The following TERB1 variants were observed in gnomAD, a reference collection of about 807,000 sequenced individuals.
TERB1 encodes the protein telomere repeat binding bouquet formation protein 1.
TERB1 carries 63 observed loss-of-function variants against 92.3 expected under a neutral mutation model. The ratio of observed to expected loss-of-function variants is 0.68; its 90% CI spans 0.56 to 0.84. The LOEUF is 0.84. TERB1 is among the 40% of genes least tolerant of loss of function. The probability of loss-of-function intolerance (pLI) is 0.00; values close to 1 mark genes in which losing one functional copy is unlikely to be tolerated. For synonymous variants in TERB1, 252 were observed against 283.9 expected (o/e 0.89, Z 1.13); for missense variants, 709 against 843.7 (o/e 0.84, Z 1.98).
At chr16:66,763,584 A>T (rs1343249248) in intron 16 of TERB1, among the ~76,000 whole-genome samples, 1 of 152,130 alleles carries the variant, frequency 6.6e-6, no homozygotes, top group Non-Finnish European at 1.5e-5. Context: ...TAAAAAAGAA[A>T]TTGTAATTGG....
rs1042838060 is a variant in TERB1, at chr16:66,801,022, C to T, written c.-78G>A. 6.6e-6 allele frequency: 1 copy of T among 152,350 alleles called. No homozygotes were observed. The highest frequency in any genetic ancestry group is 2.4e-5 in the African/African-American group (1 of 41,456). The allele number at this position is 152,350 out of a possible 1,614,324, so 9.4% of individuals were successfully genotyped here. A position where few individuals can be genotyped will look rare whatever the true frequency, so the allele number is the denominator to read the frequency against. On this transcript the variant is annotated 5_prime_UTR_variant, in exon 2 of 19. Coordinates refer to ENST00000433154, the MANE Select transcript of TERB1 (RefSeq NM_001136505.2). ...CTTGTGCAGAGCTTAGGTGGCCCCT[C>T]CAGGCTCCTCTCTGACCAGGGCTCG...
chr16:66,792,528 T>C (rs2018853147), intron 3 of TERB1, among the ~76,000 whole-genome samples: 1 of 152,230 alleles, frequency 6.6e-6, no homozygotes, highest in Non-Finnish European at 1.5e-5. Flanking sequence ...GGATGGAATC[T>C]ACAGAAAGCT....
intron 13 of TERB1, among the ~76,000 whole-genome samples, chr16:66,771,043 G>A (rs1434580731): frequency 1.3e-5 from 2 of 151,940 alleles, no homozygotes; most frequent in Non-Finnish European, 2.9e-5. Context: ...TAGACACAGG[G>A]TTTTGCCATG....
At chr16:66,773,035 G>A (rs1274175011) in intron 12 of TERB1, among the ~76,000 whole-genome samples, 2 of 151,996 alleles carry the variant, frequency 1.3e-5, no homozygotes, top group African/African-American at 4.8e-5. Context: ...TTTTAAAGTA[G>A]TTAGTTTTTT....
In TERB1 at chr16:66,754,865, ATCC is replaced by A; in HGVS notation, c.*108_*110del. 4.1e-6 allele frequency: 4 copies of A among 985,258 alleles called. No individual in the cohort carries two copies. Among genetic ancestry groups the A allele is most frequent in the Non-Finnish European group, 6.0e-6 (4 of 666,968 alleles). 61.0% of individuals were successfully genotyped at this position (985,258 alleles called of 1,614,324 possible). A position where few individuals can be genotyped will look rare whatever the true frequency, so the allele number is the denominator to read the frequency against. On this transcript the variant is annotated 3_prime_UTR_variant, in exon 19 of 19. Transcript: ENST00000433154. ...ACAAAAACTGTTTAATGAAAACTGT[ATCC>A]TCATTTCCACATTCCTTCTCATGAG...
chr16:66,764,607 C>T (rs998356489), intron 16 of TERB1, among the ~76,000 whole-genome samples: 1 of 152,068 alleles, frequency 6.6e-6, no homozygotes, highest in East Asian at 1.9e-4. Context: ...AGGCTTGAGA[C>T]AAAGACTGCT....
At chr16:66,771,531 G>A (rs1180845596) in intron 13 of TERB1, among the ~76,000 whole-genome samples, 8 of 152,124 alleles carry the variant, frequency 5.3e-5, no homozygotes, top group Admixed American at 5.2e-4. Flanking sequence ...TTGGGTATCT[G>A]TGGGAGGTCC....
chr16:66,763,691 T>A (rs2018290427), intron 16 of TERB1, among the ~76,000 whole-genome samples: 1 of 152,140 alleles, frequency 6.6e-6, no homozygotes, highest in African/African-American at 2.4e-5. Flanking sequence ...TTTACCCACG[T>A]AACAAACCTG....
chr16:66,790,345 GAA>G lies in TERB1; in HGVS notation c.271+248_271+249del, dbSNP rs1300716098. On this transcript the variant is annotated intron_variant, in intron 5 of 18. Transcript: ENST00000433154. Reference sequence around the variant, plus strand: ...GGAGGGGAAGGGAAGAGAAAAGAAAGAAAGAGAGAGAGAGAGAAAGAAGAAAG... The same window carrying G: ...GGAGGGGAAGGGAAGAGAAAAGAAAGAGAGAGAGAGAGAGAAAGAAGAAAG... 2.3e-5 allele frequency among the ~76,000 whole-genome samples: 3 copies of G among 133,052 alleles called. No homozygotes were observed. In the East Asian group the frequency reaches 6.1e-4, roughly 27 times the overall value. The allele number at this position is 133,052 out of a possible 152,430, so 87.3% of individuals were successfully genotyped here.
intron 3 of TERB1, among the ~76,000 whole-genome samples, chr16:66,794,887 G>A (rs2018901091): frequency 7.2e-6 from 1 of 138,796 alleles, no homozygotes; most frequent in South Asian, 2.3e-4. Flanking sequence ...TCCAGCCTGG[G>A]CGACAGAGTG....
intron 2 of TERB1, among the ~76,000 whole-genome samples, chr16:66,799,718 T>C (rs1567482000): frequency 1.3e-5 from 2 of 152,170 alleles, no homozygotes; most frequent in East Asian, 3.9e-4. Context: ...CAAACACCCA[T>C]AGCAAAGGAT....
In TERB1 at chr16:66,768,171, A is replaced by G. The variant is rs755767425; in HGVS notation, c.1620-3T>C. 1.4e-4 allele frequency: 219 copies of G among 1,542,496 alleles called. No homozygotes were observed. The highest frequency in any genetic ancestry group is 1.9e-4 in the Non-Finnish European group (215 of 1,138,878). ...CTGGGTGTTTAAAAACATGGTCACT[A>G]AAAGAAAATAGACACCAGATTACTA... On this transcript the variant is annotated splice_region_variant and splice_polypyrimidine_tract_variant and intron_variant, in intron 14 of 18. Coordinates refer to ENST00000433154, the MANE Select transcript of TERB1 (RefSeq NM_001136505.2).
intron 10 of TERB1, among the ~76,000 whole-genome samples, chr16:66,778,444 G>T (rs2018584693): frequency 6.6e-6 from 1 of 151,588 alleles, no homozygotes; most frequent in South Asian, 2.1e-4. Context: ...ATGGAGTTTT[G>T]TACTTGTCAC....
chr16:66,788,325 C>A, intron 5 of TERB1, 28 bp from the exon 6 acceptor site: 1 of 1,456,806 alleles, frequency 6.9e-7, no homozygotes, highest in South Asian at 1.5e-5. Context: ...ATTTTAATTT[C>A]AATGCATTGT....
rs2018522515 is a variant in TERB1 at position 66,775,067 on chromosome 16, TCTC to T, written c.1111+48_1111+50del. ...TTGGCTCATGAAAGCAGAAATAAAT[TCTC>T]CTTTATAAACTTTGGTTGGTATGTT... On this transcript the variant is annotated intron_variant, in intron 12 of 18. Transcript: ENST00000433154. The T allele has an allele frequency of 2.0e-6, 3 of 1,529,030 alleles. No individual in the cohort carries two copies. The South Asian group carries it at 3.6e-5, about 18-fold the overall frequency. The allele number at this position is 1,529,030 out of a possible 1,614,324, so 94.7% of individuals were successfully genotyped here. A position where few individuals can be genotyped will look rare whatever the true frequency, so the allele number is the denominator to read the frequency against.
intron 12 of TERB1, among the ~76,000 whole-genome samples, chr16:66,773,244 G>T (rs2018485128): frequency 6.6e-6 from 1 of 151,664 alleles, no homozygotes; most frequent in Non-Finnish European, 1.5e-5. Context: ...TAAGGCACAA[G>T]AATCCCTCAA....
At chr16:66,773,975 G>A (rs1319578591) in intron 12 of TERB1, among the ~76,000 whole-genome samples, 1 of 151,972 alleles carries the variant, frequency 6.6e-6, no homozygotes, top group Non-Finnish European at 1.5e-5. Context: ...TGCCTCCCTG[G>A]TTCAAGTAAT....
chr16:66,801,465 TACAG>T lies in TERB1; in HGVS notation c.-111_-110+2del, dbSNP rs1254954289. 1 of 152,148 alleles carries T rather than the reference TACAG, an allele frequency of 6.6e-6. No homozygotes were observed. The highest frequency in any genetic ancestry group is 1.9e-4 in the East Asian group (1 of 5,164). 9.4% of individuals were successfully genotyped at this position (152,148 alleles called of 1,614,324 possible). A position where few individuals can be genotyped will look rare whatever the true frequency, so the allele number is the denominator to read the frequency against. ...AACCCGCCTTACACAGGCGCCAACA[TACAG>T]AGTTTCCAAGCGCGGTAAGGCAGGA... On this transcript the variant is annotated splice_donor_variant and 5_prime_UTR_variant, in exon 1 of 19. Transcript: ENST00000433154. LOFTEE classifies it low-confidence loss of function (5UTR_SPLICE).
chr16:66,774,538 T>TA (rs2145146839), intron 12 of TERB1, among the ~76,000 whole-genome samples: 1 of 152,286 alleles, frequency 6.6e-6, no homozygotes, highest in African/African-American at 2.4e-5. Flanking sequence ...AAGTAACCCT[T>TA]AGTCCACAAA....
Sources: allele counts gnomAD v4.1 joint callset (sites outside exome capture counted in the v4.1 genomes callset), GRCh38; gene constraint gnomAD v4.1.1; transcripts MANE v1.5; gene names NCBI Gene and HGNC (gene_info 2026-07-23, HGNC 2026-07-21).